Variants in CCDC178 observed in about 807,000 individuals in gnomAD.
CCDC178 encodes the protein coiled-coil domain-containing protein 178.
Under a neutral mutation model 117.4 loss-of-function variants are expected in CCDC178, and 126 were observed. The ratio of observed to expected loss-of-function variants is 1.07; its 90% CI spans 0.93 to 1.24. The LOEUF is 1.24. CCDC178 is among the 50% of genes most tolerant of loss of function. CCDC178 has a pLI of 0.00. For missense variants in CCDC178, 1,030 were observed against 986.9 expected (o/e 1.04, Z -0.59); for synonymous variants, 283 against 313.4 (o/e 0.90, Z 1.02).
intron 14 of CCDC178, among the ~76,000 whole-genome samples, chr18:33,257,490 C>T (rs542632955): frequency 2.0e-4 from 30 of 152,188 alleles, no homozygotes; most frequent in African/African-American, 7.2e-4. Flanking sequence ...TATTCTTCCA[C>T]CCATATTTTC....
chr18:33,413,885 A>G (rs2063894941), intron 2 of CCDC178, among the ~76,000 whole-genome samples: 1 of 152,200 alleles, frequency 6.6e-6, no homozygotes, highest in South Asian at 2.1e-4. Context: ...TGAAACAGAA[A>G]TAAAATCTAT....
chr18:33,271,236 T>C (rs2059885504), intron 12 of CCDC178, among the ~76,000 whole-genome samples: 1 of 151,576 alleles, frequency 6.6e-6, no homozygotes, highest in Non-Finnish European at 1.5e-5. Context: ...ATACAAATCC[T>C]ACCTTATCAG....
At position 33,329,876 on chromosome 18, in the gene CCDC178, A is replaced by AGTGTGTGT. The variant is rs67627028; in HGVS notation, c.879+3290_879+3297dup. 9.7e-3 allele frequency among the ~76,000 whole-genome samples: 1,271 copies of AGTGTGTGT among 131,418 alleles called. 6 individuals are homozygous for AGTGTGTGT. Among genetic ancestry groups the AGTGTGTGT allele is most frequent in the South Asian group, 0.016 (61 of 3,784 alleles). The allele number at this position is 131,418 out of a possible 152,430, so 86.2% of individuals were successfully genotyped here. A position where few individuals can be genotyped will look rare whatever the true frequency, so the allele number is the denominator to read the frequency against. ...AGTTTGAGAGTTGGAGAATTATTAG[A>AGTGTGTGT]GTGTGTGTGTGTGTGTGTGTGTGTG... On this transcript the variant is annotated intron_variant, in intron 10 of 22. Transcript: ENST00000383096.
At chr18:33,213,848 T>C (rs749043147) in intron 19 of CCDC178, among the ~76,000 whole-genome samples, 1 of 152,060 alleles carries the variant, frequency 6.6e-6, no homozygotes, top group African/African-American at 2.4e-5. Context: ...TTTAATTGTC[T>C]TGTTTATATA....
intron 21 of CCDC178, among the ~76,000 whole-genome samples, chr18:33,013,901 C>T (rs2055925708): frequency 6.6e-6 from 1 of 152,144 alleles, no homozygotes; most frequent in Non-Finnish European, 1.5e-5. Flanking sequence ...TGCGGAGAAG[C>T]AGTTCTAAAA....
chr18:33,372,106 G>T (rs947937028), intron 5 of CCDC178, among the ~76,000 whole-genome samples: 4 of 151,982 alleles, frequency 2.6e-5, no homozygotes, highest in African/African-American at 9.7e-5. Flanking sequence ...TATGGTTTAG[G>T]TTGAATATGT....
chr18:33,126,997 A>ATAT (rs1555647859), intron 20 of CCDC178, among the ~76,000 whole-genome samples: 10 of 141,186 alleles, frequency 7.1e-5, no homozygotes, highest in East Asian at 4.0e-4. Flanking sequence ...AAAAAAAAAA[A>ATAT]ATATATATAT....
intron 14 of CCDC178, among the ~76,000 whole-genome samples, chr18:33,245,984 C>A (rs1280913063): frequency 6.6e-6 from 1 of 151,714 alleles, no homozygotes; most frequent in Non-Finnish European, 1.5e-5. Context: ...CAGCCACTGC[C>A]AAAAATCCCC....
chr18:33,325,782 T>G (rs2062576347), intron 10 of CCDC178, among the ~76,000 whole-genome samples: 1 of 152,228 alleles, frequency 6.6e-6, no homozygotes, highest in African/African-American at 2.4e-5. Flanking sequence ...GGCGGTGATC[T>G]TACAACGCAT....
intron 2 of CCDC178, chr18:33,437,906 A>G (rs1277738676): frequency 6.6e-6 from 1 of 152,236 alleles, no homozygotes; most frequent in African/African-American, 2.4e-5. Context: ...AATAATTTAA[A>G]TTCAGTGAAC....
intron 21 of CCDC178, among the ~76,000 whole-genome samples, chr18:32,984,430 T>A (rs2055220628): frequency 6.6e-6 from 1 of 151,952 alleles, no homozygotes; most frequent in Admixed American, 6.6e-5. Context: ...ATAATTCATC[T>A]TTTTTCACAT....
At chr18:33,091,661 T>C (rs79382838) in intron 21 of CCDC178, among the ~76,000 whole-genome samples, 3,971 of 152,196 alleles carry the variant, frequency 0.026, 84 homozygotes, top group East Asian at 0.1. Flanking sequence ...GAAAAATGCA[T>C]TCTTCTCTTT....
intron 20 of CCDC178, among the ~76,000 whole-genome samples, chr18:33,187,114 A>AGAGAGAGCGC (rs60923129): frequency 2.0e-5 from 3 of 150,198 alleles, no homozygotes; most frequent in East Asian, 2.0e-4. Flanking sequence ...AGAGAGAGAG[A>AGAGAGAGCGC]GACTGAGAGA....
intron 9 of CCDC178, among the ~76,000 whole-genome samples, chr18:33,339,452 G>GAAAACATTT (rs1159014492): frequency 6.6e-6 from 1 of 150,978 alleles, no homozygotes; most frequent in Non-Finnish European, 1.5e-5. Context: ...AGAATTTCAT[G>GAAAACATTT]AAAACATTTA....
chr18:33,223,884 T>G (rs1333264524), intron 17 of CCDC178, among the ~76,000 whole-genome samples: 1 of 152,128 alleles, frequency 6.6e-6, no homozygotes, highest in Non-Finnish European at 1.5e-5. Context: ...TTAGAAACCC[T>G]AAATACAGTG....
chr18:33,433,334 T>TA (rs1043053918), intron 2 of CCDC178, among the ~76,000 whole-genome samples: 2 of 152,238 alleles, frequency 1.3e-5, no homozygotes, highest in Middle Eastern at 3.4e-3. Flanking sequence ...TGTTGCTAAA[T>TA]AAAAAAACTT....
intron 14 of CCDC178, among the ~76,000 whole-genome samples, chr18:33,250,554 T>A (rs1281719925): frequency 6.6e-6 from 1 of 151,610 alleles, no homozygotes; most frequent in Non-Finnish European, 1.5e-5. Context: ...AAGGTAAAAG[T>A]AGATAATAAA....
At chr18:32,959,339 T>C (rs2054659336) in intron 22 of CCDC178, among the ~76,000 whole-genome samples, 1 of 152,142 alleles carries the variant, frequency 6.6e-6, no homozygotes, top group Non-Finnish European at 1.5e-5. Flanking sequence ...TATGAGACTC[T>C]GTTGGATTGA....
intron 11 of CCDC178, among the ~76,000 whole-genome samples, chr18:33,319,753 T>A (rs1454939567): frequency 6.6e-6 from 1 of 152,216 alleles, no homozygotes; most frequent in Admixed American, 6.5e-5. Context: ...AGATGGTATC[T>A]CATTGTGGTT....
Sources: allele counts gnomAD v4.1 joint callset (sites outside exome capture counted in the v4.1 genomes callset), GRCh38; gene constraint gnomAD v4.1.1; transcripts MANE v1.5; gene names NCBI Gene and HGNC (gene_info 2026-07-23, HGNC 2026-07-21).